Variants in C3 observed in about 807,000 individuals in gnomAD.
C3 encodes C3 and PZP-like alpha-2-macroglobulin domain-containing protein 1.
A neutral mutation model predicts 207.9 loss-of-function variants in C3; 97 were observed. The observed-to-expected ratio is 0.47, with a 90% confidence interval of 0.40 to 0.55. The LOEUF (loss-of-function observed/expected upper bound fraction) is 0.55. Among genes scored for constraint, C3 ranks in the 20% least tolerant of loss-of-function variants. C3 has a pLI of 0.00. For synonymous variants in C3, 848 were observed against 857.6 expected (o/e 0.99, Z 0.20); for missense variants, 1,684 against 2,171.7 (o/e 0.78, Z 4.46).
chr19:6,690,833 C>T, intron 26 of C3, 106 bp from the exon 27 acceptor site: 1 of 841,860 alleles, frequency 1.2e-6, no homozygotes, highest in Non-Finnish European at 2.0e-6. Context: ...AGGGCTGAGT[C>T]TCTTCTAGGT....
chr19:6,688,180 G>A (rs960595073), intron 27 of C3, among the ~76,000 whole-genome samples: 5 of 152,020 alleles, frequency 3.3e-5, no homozygotes, highest in Admixed American at 2.6e-4. Context: ...GGCCCAGGCT[G>A]GAGTGCATGG....
intron 35 of C3, 43 bp from the exon 36 acceptor site, chr19:6,680,306 G>A (rs1917828611): frequency 9.7e-7 from 1 of 1,027,762 alleles, no homozygotes; most frequent in Non-Finnish European, 1.5e-6. Context: ...TGATGTGGGA[G>A]GGAGTCCAGC....
At chr19:6,709,611 T>TTGGCCC in intron 14 of C3, 73 bp downstream of exon 14, 3 of 1,109,442 alleles carry the variant, frequency 2.7e-6, no homozygotes, top group Non-Finnish European at 4.1e-6. Context: ...CCCTCTCCAG[T>TTGGCCC]CCCACCCACC....
chr19:6,698,364 G>T (rs1480160683), intron 19 of C3, among the ~76,000 whole-genome samples: 5 of 152,106 alleles, frequency 3.3e-5, no homozygotes, highest in Non-Finnish European at 1.5e-5. Context: ...TTGACTCAGA[G>T]ATCTACGTGT....
At chr19:6,698,760 T>C (rs1967591774) in intron 19 of C3, among the ~76,000 whole-genome samples, 1 of 152,148 alleles carries the variant, frequency 6.6e-6, no homozygotes, top group Non-Finnish European at 1.5e-5. Flanking sequence ...ATTTTAAATA[T>C]ATGAAACACC....
intron 37 of C3, 51 bp downstream of exon 37, chr19:6,679,356 G>A (rs1442037782): frequency 1.3e-6 from 2 of 1,489,958 alleles, no homozygotes; most frequent in Non-Finnish European, 1.9e-6. Context: ...AGATGACCTG[G>A]GTAAGTGTGG....
intron 15 of C3, 125 bp downstream of exon 15, chr19:6,707,675 G>T: frequency 6.6e-7 from 1 of 1,522,224 alleles, no homozygotes; most frequent in Non-Finnish European, 9.1e-7. Context: ...AGAGGGGAGG[G>T]ATTTACTAGG....
At chr19:6,685,536 G>A (rs1318569681) in intron 29 of C3, among the ~76,000 whole-genome samples, 1 of 152,150 alleles carries the variant, frequency 6.6e-6, no homozygotes, top group Non-Finnish European at 1.5e-5. Flanking sequence ...GTAGCCAGAG[G>A]ATACTGAGCA....
Position 6,700,364 on chromosome 19 carries a change from TATG to T in C3, c.2440+1760_2440+1762del, listed in dbSNP as rs1302495353. Among the ~76,000 whole-genome samples, 6 of 102,096 alleles carry T rather than the reference TATG, an allele frequency of 5.9e-5. 3 individuals are homozygous for T. Among genetic ancestry groups the T allele is most frequent in the Admixed American group, 2.8e-4 (2 of 7,018 alleles). The allele number at this position is 102,096 out of a possible 152,430, so 67.0% of individuals were successfully genotyped here. On this transcript the variant is annotated intron_variant, in intron 19 of 40. Coordinates refer to ENST00000245907, the MANE Select transcript of C3 (RefSeq NM_000064.4). ...TATGTAATATATGATATATATGTAA[TATG>T]ATATATTATATATGTAATATATGAT...
chr19:6,720,392 C>T, intron 1 of C3, 124 bp downstream of exon 1: 1 of 729,242 alleles, frequency 1.4e-6, no homozygotes, highest in Non-Finnish European at 2.5e-6. Flanking sequence ...TCATTCCCAA[C>T]CTGCTAACCC....
intron 19 of C3, among the ~76,000 whole-genome samples, 166 bp downstream of exon 19, chr19:6,701,961 G>C (rs1408774920): frequency 1.3e-5 from 2 of 152,190 alleles, no homozygotes; most frequent in African/African-American, 4.8e-5. Context: ...AAGTTAGACA[G>C]GAACTAAGGA....
At position 6,707,063 on chromosome 19, in the gene C3, C is replaced by A. The variant is rs1178092231; in HGVS notation, c.2245+13G>T. On this transcript the variant is annotated intron_variant, in intron 17 of 40. Transcript: ENST00000245907. ...ACGGCCCCCTCCCCCTGTCCCCACCCCGTGGGACCTACTCCTGGCCAGGCC... is the reference window on the plus strand; with the variant it reads ...ACGGCCCCCTCCCCCTGTCCCCACCACGTGGGACCTACTCCTGGCCAGGCC... 1.2e-6 allele frequency: 2 copies of A among 1,606,802 alleles called. No individual in the cohort carries two copies. The highest frequency in any genetic ancestry group is 1.7e-6 in the Non-Finnish European group (2 of 1,178,286).
chr19:6,706,788 G>A (rs556313252), intron 17 of C3, among the ~76,000 whole-genome samples: 1 of 131,438 alleles, frequency 7.6e-6, no homozygotes, highest in Non-Finnish European at 1.6e-5. Flanking sequence ...TCAGACAGAG[G>A]CCTCCTCCCT....
At chr19:6,679,057 C>T in intron 38 of C3, 68 bp downstream of exon 38, 2 of 1,254,588 alleles carry the variant, frequency 1.6e-6, no homozygotes, top group South Asian at 1.2e-5. Flanking sequence ...ACAACCACAC[C>T]TACCACCCAC....
At chr19:6,710,573 G>GGAGAGA in intron 13 of C3, 66 bp downstream of exon 13, 2 of 1,029,154 alleles carry the variant, frequency 1.9e-6, no homozygotes, top group Non-Finnish European at 2.9e-6. Context: ...GAGGAGACAG[G>GGAGAGA]GAGAGAGAGA....
chr19:6,694,829 G>A (rs1967498242), intron 23 of C3, among the ~76,000 whole-genome samples, 195 bp from the exon 24 acceptor site: 1 of 152,114 alleles, frequency 6.6e-6, no homozygotes, highest in Admixed American at 6.5e-5. Flanking sequence ...TGTTAGGAGT[G>A]GGAGGTGCTT....
chr19:6,706,417 C>T (rs1352088415), intron 17 of C3, among the ~76,000 whole-genome samples: 3 of 152,172 alleles, frequency 2.0e-5, no homozygotes, highest in Non-Finnish European at 4.4e-5. Context: ...GGCCTCTGTC[C>T]CTTCCAGACA....
chr19:6,689,291 C>T (rs1375954759), intron 27 of C3, among the ~76,000 whole-genome samples: 1 of 144,652 alleles, frequency 6.9e-6, no homozygotes, highest in East Asian at 2.0e-4. Flanking sequence ...TGTCTGACCC[C>T]ACCTCTCCTC....
In C3 at chr19:6,697,139, A is replaced by C. The variant is rs448260; in HGVS notation, c.2796+205T>G. On this transcript the variant is annotated intron_variant, in intron 21 of 40. Transcript: ENST00000245907. ...GATGGTCGACGAGGTTTTTGGCACC[A>C]CCTAAAATTCTAAGCCTGGGGTCAT... Among the ~76,000 whole-genome samples, 95,271 of 145,500 alleles carry C rather than the reference A, an allele frequency of 0.65. 31,954 individuals are homozygous for C. Among genetic ancestry groups the C allele is most frequent in the East Asian group, 0.84 (4,231 of 5,028 alleles).
Sources: allele counts gnomAD v4.1 joint callset (sites outside exome capture counted in the v4.1 genomes callset), GRCh38; gene constraint gnomAD v4.1.1; transcripts MANE v1.5; gene names NCBI Gene and HGNC (gene_info 2026-07-23, HGNC 2026-07-21).